SLC25A44: variants seen among roughly 807,000 people sequenced by gnomAD.
SLC25A44 encodes solute carrier family 25 member 44.
Under a neutral mutation model 29.9 loss-of-function variants are expected in SLC25A44, and 17 were observed. The observed-to-expected ratio is 0.57, with a 90% CI of 0.39 to 0.85. SLC25A44 has a LOEUF of 0.85. Among genes scored for constraint, SLC25A44 ranks in the 40% least tolerant of loss-of-function variants. SLC25A44 has a pLI of 0.00. For synonymous variants in SLC25A44, 140 were observed against 151.8 expected, an observed-to-expected ratio of 0.92 and a Z score of 0.57; for missense variants, 302 against 398.4, an observed-to-expected ratio of 0.76 and a Z score of 2.06.
intron 2 of SLC25A44, among the ~76,000 whole-genome samples, chr1:156,200,880 G>C (rs1170428352): frequency 7.4e-6 from 1 of 134,616 alleles, no homozygotes; most frequent in African/African-American, 2.7e-5. Context: ...CTGTCACCTA[G>C]GCTGTAGTGC....
At chr1:156,195,984 G>A (rs1656188559) in intron 1 of SLC25A44, among the ~76,000 whole-genome samples, 1 of 152,246 alleles carries the variant, frequency 6.6e-6, no homozygotes, top group African/African-American at 2.4e-5. Flanking sequence ...TCAGGACAAA[G>A]TGCTCACTAA....
At chr1:156,206,598 T>A (rs987511751) in intron 2 of SLC25A44, among the ~76,000 whole-genome samples, 1 of 152,064 alleles carries the variant, frequency 6.6e-6, no homozygotes, top group Non-Finnish European at 1.5e-5. Flanking sequence ...AGTGGCGTGA[T>A]CATGGCTCAC....
Position 156,210,576 on chromosome 1 carries a change from A to T in SLC25A44, c.*145A>T. On this transcript the variant is annotated 3_prime_UTR_variant, in exon 4 of 4. Coordinates refer to ENST00000359511, the MANE Select transcript of SLC25A44 (RefSeq NM_014655.4). The stretch of plus-strand genomic sequence containing the variant: ...TGGCCTATCTGGGATAGGGATAGAG[A>T]CTTTGAACTGCTCTTGCTGAAGAGG... The T allele has an allele frequency of 2.1e-6, 1 of 486,098 alleles. No homozygotes were observed. The highest frequency in any genetic ancestry group is 3.6e-6 in the Non-Finnish European group (1 of 276,602). 30.1% of individuals were successfully genotyped at this position (486,098 alleles called of 1,614,324 possible).
chr1:156,206,299 C>T (rs1242565494), intron 2 of SLC25A44, among the ~76,000 whole-genome samples: 10 of 148,730 alleles, frequency 6.7e-5, no homozygotes, highest in East Asian at 2.0e-4. Context: ...AGTGCAATGA[C>T]GAGATCTCAG....
chr1:156,210,481 G>A lies in SLC25A44; in HGVS notation c.*50G>A, dbSNP rs369333151. ...TGTTTTCCACACTACCGTGGGTCAG[G>A]GGCAGAGTGGAGAGGACAGCACCCT... On this transcript the variant is annotated 3_prime_UTR_variant, in exon 4 of 4. Coordinates refer to ENST00000359511, the MANE Select transcript of SLC25A44 (RefSeq NM_014655.4). The A allele has an allele frequency of 7.1e-6, 10 of 1,416,506 alleles. No homozygotes were observed. In the African/African-American group the frequency reaches 1.3e-4, roughly 18 times the overall value. 87.7% of individuals were successfully genotyped at this position (1,416,506 alleles called of 1,614,324 possible).
rs1014991337 is a variant in SLC25A44 at position 156,201,769 on chromosome 1, C to T, written c.625+1297C>T. 1.3e-5 allele frequency among the ~76,000 whole-genome samples: 2 copies of T among 151,912 alleles called. 1 individual carries two copies. The highest frequency in any genetic ancestry group is 2.9e-5 in the Non-Finnish European group (2 of 68,002). On this transcript the variant is annotated intron_variant, in intron 2 of 3. Coordinates refer to ENST00000359511, the MANE Select transcript of SLC25A44 (RefSeq NM_014655.4). ...TGGGGTATTTGTTAAAAGTCAGGTT[C>T]CTGGACTCTACCCTGACCCTTTAAT... is the stretch of plus-strand genomic sequence containing the variant.
chr1:156,195,159 A>G (rs1195326850), intron 1 of SLC25A44, among the ~76,000 whole-genome samples: 2 of 148,618 alleles, frequency 1.3e-5, no homozygotes, highest in African/African-American at 5.0e-5. Context: ...GCTGGAGGGC[A>G]GTGGCGCAAT....
chr1:156,199,820 C>G lies in SLC25A44; in HGVS notation c.-13-15C>G, dbSNP rs755132711. ...CCCTCCTTCTTCACATCCCTCCATA[C>G]TGCTCAAATCCCAGGTCTTCAGGCA... On this transcript the variant is annotated splice_polypyrimidine_tract_variant and intron_variant, in intron 1 of 3. Coordinates refer to ENST00000359511, the MANE Select transcript of SLC25A44 (RefSeq NM_014655.4). 1.9e-6 allele frequency: 3 copies of G among 1,600,232 alleles called. No individual in the cohort carries two copies. Among genetic ancestry groups the G allele is most frequent in the Non-Finnish European group, 2.6e-6 (3 of 1,172,294 alleles).
chr1:156,196,013 G>A (rs993602705), intron 1 of SLC25A44, among the ~76,000 whole-genome samples: 3 of 152,188 alleles, frequency 2.0e-5, no homozygotes, highest in Non-Finnish European at 4.4e-5. Flanking sequence ...CACCTGTTAG[G>A]TCCCTTGAGG....
At chr1:156,201,227 A>G (rs534150045) in intron 2 of SLC25A44, among the ~76,000 whole-genome samples, 6 of 152,124 alleles carry the variant, frequency 3.9e-5, no homozygotes, top group African/African-American at 1.4e-4. Context: ...AGTATTTCCT[A>G]TTTCCTAGAA....
Position 156,200,422 on chromosome 1 carries a change from C to T in SLC25A44, c.575C>T (p.Thr192Ile), listed in dbSNP as rs1408096497. Reference sequence around the variant, plus strand: ...CGAGGCTATGTGGCTTCACTGCTTACCTATATCCCAAACAGTGCTGTCTGG... The same window carrying T: ...CGAGGCTATGTGGCTTCACTGCTTATCTATATCCCAAACAGTGCTGTCTGG... ...FYRGYVASLL[T>I]YIPNSAVWWP... Residue 192 changes from threonine to isoleucine, a missense_variant, in exon 2 of 4, where the codon ACC (threonine) becomes ATC (isoleucine). By Grantham distance (89) the Thr-to-Ile change is moderately conservative (BLOSUM62 -1). Transcript: ENST00000359511. The T allele has an allele frequency of 6.2e-6, 10 of 1,613,520 alleles. No homozygotes were observed. The highest frequency in any genetic ancestry group is 8.5e-6 in the Non-Finnish European group (10 of 1,179,972).
chr1:156,199,492 C>A, intron 1 of SLC25A44: 1 of 286,232 alleles, frequency 3.5e-6, no homozygotes, highest in Non-Finnish European at 6.6e-6. Context: ...ATACCAGGGC[C>A]CAGACAGAGG....
intron 1 of SLC25A44, among the ~76,000 whole-genome samples, chr1:156,195,133 T>C (rs1340111151): frequency 2.0e-5 from 3 of 150,752 alleles, no homozygotes; most frequent in African/African-American, 7.4e-5. Flanking sequence ...AGACAGAGTC[T>C]CGCTCTGTTA....
intron 1 of SLC25A44, 129 bp from the exon 2 acceptor site, chr1:156,199,706 T>C: frequency 1.4e-6 from 1 of 712,758 alleles, no homozygotes; most frequent in East Asian, 2.6e-5. Context: ...TTGGGTGGAG[T>C]CCAAGCTTTG....
At chr1:156,206,511 T>G (rs1656941760) in intron 2 of SLC25A44, among the ~76,000 whole-genome samples, 1 of 152,174 alleles carries the variant, frequency 6.6e-6, no homozygotes, top group Non-Finnish European at 1.5e-5. Flanking sequence ...GTGCTGGGAT[T>G]ACAGGCGTGA....
intron 3 of SLC25A44, among the ~76,000 whole-genome samples, chr1:156,208,651 G>A (rs1207308756): frequency 3.3e-5 from 5 of 152,046 alleles, no homozygotes; most frequent in Admixed American, 6.5e-5. Context: ...GCCTATCAAC[G>A]ACTCTTTCCT....
chr1:156,202,324 C>G (rs1656634874), intron 2 of SLC25A44, among the ~76,000 whole-genome samples: 1 of 152,204 alleles, frequency 6.6e-6, no homozygotes, highest in African/African-American at 2.4e-5. Flanking sequence ...ATGGACTGAC[C>G]TTTTCAACTT....
rs757323140 is a variant in SLC25A44, at chr1:156,210,262, T to C, written c.776T>C (p.Ile259Thr). ...CAGGTTGAGGGCAAGAACTCCATCA[T>C]CCTGACCTTCAGACAGCTGATGGCA... Reference protein sequence around the residue: ...RVQVEGKNSIILTFRQLMAEE... With the variant: ...RVQVEGKNSITLTFRQLMAEE... Residue 259 changes from isoleucine (I) to threonine (T), a missense_variant, in exon 4 of 4, where the codon ATC (isoleucine) becomes ACC (threonine). By Grantham distance (89) the Ile-to-Thr change is moderately conservative (BLOSUM62 -1). Transcript: ENST00000359511. The C allele has an allele frequency of 7.0e-6, 11 of 1,570,990 alleles. No homozygotes were observed. The highest frequency in any genetic ancestry group is 2.7e-5 in the African/African-American group (2 of 73,020).
intron 1 of SLC25A44, among the ~76,000 whole-genome samples, chr1:156,195,613 C>CATATCAT (rs1484117078): frequency 2.0e-5 from 3 of 152,192 alleles, no homozygotes; most frequent in Non-Finnish European, 4.4e-5. Flanking sequence ...CTGGGGGTTG[C>CATATCAT]ATATCATATA....
Sources: gnomAD v4.1 joint callset for allele counts (sites outside exome capture counted in the v4.1 genomes callset) on GRCh38, gnomAD v4.1.1 for gene constraint, MANE v1.5 for transcripts, NCBI Gene and HGNC (gene_info 2026-07-23, HGNC 2026-07-21) for gene names.